The following RYR1 variants were observed in gnomAD, a reference collection of about 807,000 sequenced individuals.
RYR1 encodes central core disease of muscle.
RYR1 carries 342 observed loss-of-function variants against 583.5 expected under a neutral mutation model. The observed-to-expected ratio is 0.59, with a 90% confidence interval of 0.54 to 0.64. The LOEUF (loss-of-function observed/expected upper bound fraction) is 0.64, where lower values mean the gene tolerates loss of function less well. Ranked by LOEUF, RYR1 falls within the 30% of genes least tolerant of loss-of-function variation. The pLI, the probability that RYR1 is intolerant of heterozygous loss-of-function variation, is 0.00. For missense variants in RYR1, 6,032 were observed against 6,917.2 expected (o/e 0.87, Z 4.54); for synonymous variants, 2,791 against 2,822.5 (o/e 0.99, Z 0.35).
Position 38,517,534 on chromosome 19 carries a change from C to T in RYR1, c.9861C>T (p.Arg3287=), listed in dbSNP as rs375156852. Residue 3287 remains arginine, a synonymous_variant, in exon 66 of 106, where the codon CGC becomes CGT. Transcript: ENST00000359596. ...LCSYLPRWWE[R]GPEAPPSALP... ...GCTACCTGCCCCGATGGTGGGAGCG[C>T]GGGCCCGAGGCACCCCCTTCCGCCC... 1.9e-5 allele frequency: 31 copies of T among 1,613,758 alleles called. No homozygotes were observed. In the East Asian group the frequency reaches 2.7e-4, roughly 14 times the overall value.
Position 38,467,830 on chromosome 19 carries a change from C to T in RYR1, c.3381+18C>T. 6.8e-6 allele frequency: 11 copies of T among 1,611,618 alleles called. No homozygotes were observed. The highest frequency in any genetic ancestry group is 9.3e-6 in the Non-Finnish European group (11 of 1,178,694). On this transcript the variant is annotated intron_variant, in intron 25 of 105. Transcript: ENST00000359596. Reference sequence around the variant, plus strand: ...GGCACCGCGTGGGTACCTCCCTGGGCACCATTCTGCCAGGTCCTGTGGTCT... The same window carrying T: ...GGCACCGCGTGGGTACCTCCCTGGGTACCATTCTGCCAGGTCCTGTGGTCT...
chr19:38,555,481 G>A lies in RYR1; in HGVS notation c.12283-5632G>A, dbSNP rs868168122. 6.1e-4 allele frequency among the ~76,000 whole-genome samples: 92 copies of A among 149,890 alleles called. 1 individual carries two copies. Among genetic ancestry groups the A allele is most frequent in the Middle Eastern group, 3.5e-3 (1 of 286 alleles). ...AAAAAAAAAATGCATGTGTGTGTGC[G>A]CACGTGTGTGTGTATGTGTGTGTGG... is the stretch of plus-strand genomic sequence containing the variant. On this transcript the variant is annotated intron_variant, in intron 89 of 105. Coordinates refer to ENST00000359596, the MANE Select transcript of RYR1 (RefSeq NM_000540.3).
rs543670849 is a variant in RYR1 at position 38,469,030 on chromosome 19, G to A, written c.3446G>A (p.Gly1149Asp). ...CCCTGGCAGCCGGGCGATGTCGTTG[G>A]CTGTATGATCGACCTCACAGAGAAC... ...GRPWQPGDVV[G>D]CMIDLTENTI... The change falls in exon 26 of 106, where the codon GGC becomes GAC. Residue 1149 changes from glycine to aspartate, a missense_variant. Physicochemically the swap from Gly to Asp is moderately conservative, Grantham distance 94. This residue lies in a region of RYR1 where 2,627 missense variants were observed against 2,961.3 expected (regional missense o/e 0.89). Transcript: ENST00000359596. 6.2e-7 allele frequency: 1 copy of A among 1,614,158 alleles called. No individual in the cohort carries two copies. Among genetic ancestry groups the A allele is most frequent in the Admixed American group, 1.7e-5 (1 of 60,004 alleles).
chr19:38,509,114 C>T (rs1665366240), intron 58 of RYR1, among the ~76,000 whole-genome samples: 1 of 151,948 alleles, frequency 6.6e-6, no homozygotes, highest in African/African-American at 2.4e-5. Flanking sequence ...AGGTGAGTGG[C>T]AGAGCAGGAT....
At chr19:38,527,566 T>C (rs1246934095) in intron 72 of RYR1, 81 bp from the exon 73 acceptor site, 9 of 1,580,488 alleles carry the variant, frequency 5.7e-6, no homozygotes, top group Non-Finnish European at 4.3e-6. Flanking sequence ...CATTGAGTCC[T>C]CCCAAAAACG....
chr19:38,521,591 G>A (rs1049930864), intron 67 of RYR1, among the ~76,000 whole-genome samples: 4 of 143,470 alleles, frequency 2.8e-5, no homozygotes, highest in Admixed American at 7.3e-5. Flanking sequence ...TCCTGAGTGG[G>A]AGGCTGAGGC....
chr19:38,475,852 C>A (rs908041018), intron 29 of RYR1, among the ~76,000 whole-genome samples: 1 of 152,096 alleles, frequency 6.6e-6, no homozygotes, highest in African/African-American at 2.4e-5. Flanking sequence ...TTGGGATTTC[C>A]CCAAATCCAA....
At chr19:38,558,731 A>G (rs1237756724) in intron 89 of RYR1, among the ~76,000 whole-genome samples, 3 of 152,204 alleles carry the variant, frequency 2.0e-5, no homozygotes, top group Admixed American at 1.3e-4. Context: ...GTGAGCCAAG[A>G]TCACGCCACT....
Position 38,526,007 on chromosome 19 carries a change from C to G in RYR1, c.10626+505C>G, listed in dbSNP as rs112856366. 4.4e-3 allele frequency among the ~76,000 whole-genome samples: 676 copies of G among 152,070 alleles called. 5 individuals are homozygous for G. Among genetic ancestry groups the G allele is most frequent in the African/African-American group, 0.015 (638 of 41,438 alleles). ...GCTCACCATCCCTTTCCTTCAGGAC[C>G]CTGCTGACACCTGGGCCCTGTTGAA... is the stretch of plus-strand genomic sequence containing the variant. On this transcript the variant is annotated intron_variant, in intron 71 of 105. Coordinates refer to ENST00000359596, the MANE Select transcript of RYR1 (RefSeq NM_000540.3).
chr19:38,500,631 C>A lies in RYR1; in HGVS notation c.7349C>A (p.Ala2450Asp). The A allele has an allele frequency of 6.2e-7, 1 of 1,613,382 alleles. No homozygotes were observed. The highest frequency in any genetic ancestry group is 1.3e-5 in the African/African-American group (1 of 75,016). ...CTAATCCAAGCCGGCAAGGGTGAGG[C>A]CCTGCGGATCCGCGCCATCCTCCGC... ...MHLIQAGKGE[A>D]LRIRAILRSL... The change falls in exon 46 of 106, where the codon GCC becomes GAC. Residue 2450 changes from alanine to aspartate, a missense_variant. Ala to Asp is a moderately radical substitution (Grantham distance 126). Around this residue, in one of 11 missense-constraint regions of RYR1, gnomAD observed 2,627 missense variants for 2,961.3 expected, o/e 0.89. Transcript: ENST00000359596. This position sits in a 1 kb window ranked among gnomAD's most constrained non-coding sequence, Gnocchi z 5.9.
intron 53 of RYR1, among the ~76,000 whole-genome samples, 183 bp from the exon 54 acceptor site, chr19:38,505,623 G>C (rs1399304857): frequency 6.6e-6 from 1 of 152,186 alleles, no homozygotes; most frequent in East Asian, 1.9e-4. Context: ...GGAGACTCAA[G>C]TGTCTAATGG....
chr19:38,570,581 T>C (rs1451342234), intron 93 of RYR1, 26 bp from the exon 94 acceptor site: 1 of 1,576,990 alleles, frequency 6.3e-7, no homozygotes, highest in Admixed American at 1.7e-5. Flanking sequence ...TGTGAGCGCT[T>C]TCTCTCTTTT....
intron 47 of RYR1, among the ~76,000 whole-genome samples, 180 bp from the exon 48 acceptor site, chr19:38,502,327 T>G (rs1319422228): frequency 2.3e-5 from 3 of 128,696 alleles, no homozygotes; most frequent in Admixed American, 7.9e-5. Flanking sequence ...AGTGGTGGGG[T>G]GGGGGCTGTG....
intron 29 of RYR1, 28 bp from the exon 30 acceptor site, chr19:38,477,682 C>T (rs1196549217): frequency 4.3e-6 from 7 of 1,614,026 alleles, no homozygotes; most frequent in Non-Finnish European, 5.9e-6. Context: ...TCCAGACTGA[C>T]CACTAGTTCC....
intron 81 of RYR1, 184 bp downstream of exon 81, chr19:38,535,576 C>T (rs1166646879): frequency 1.5e-6 from 1 of 664,610 alleles, no homozygotes; most frequent in African/African-American, 1.8e-5. Context: ...GGCAAAATGT[C>T]ATAGACTTGA....
intron 96 of RYR1, among the ~76,000 whole-genome samples, chr19:38,575,218 C>T (rs1050723296): frequency 1.3e-5 from 2 of 152,160 alleles, no homozygotes; most frequent in Non-Finnish European, 2.9e-5. Flanking sequence ...TTGGACTCCT[C>T]CCCACCCATC....
chr19:38,490,324 C>T (rs761965059), intron 36 of RYR1, 48 bp downstream of exon 36: 14 of 1,547,026 alleles, frequency 9.0e-6, no homozygotes, highest in Non-Finnish European at 1.1e-5. Flanking sequence ...AAACCCCAAC[C>T]TCAACATCTC....
At chr19:38,515,454 A>G (rs1469303198) in intron 64 of RYR1, among the ~76,000 whole-genome samples, 1 of 152,224 alleles carries the variant, frequency 6.6e-6, no homozygotes, top group African/African-American at 2.4e-5. Flanking sequence ...TTACTGATAC[A>G]GCAAGAGCGA....
Position 38,528,084 on chromosome 19 carries a change from C to G in RYR1, c.10825-222C>G, listed in dbSNP as rs953121112. The G allele has an allele frequency of 4.7e-6, 3 of 634,068 alleles. No homozygotes were observed. In the African/African-American group the frequency reaches 5.5e-5, roughly 12 times the overall value. 39.3% of individuals were successfully genotyped at this position (634,068 alleles called of 1,614,324 possible). A position where few individuals can be genotyped will look rare whatever the true frequency, so the allele number is the denominator to read the frequency against. On this transcript the variant is annotated intron_variant, in intron 73 of 105. Coordinates refer to ENST00000359596, the MANE Select transcript of RYR1 (RefSeq NM_000540.3). ...GGTGGGTCGTAGAATTGGTCGTGGC[C>G]TGGCTCGTGGTCCTGGCTCTGTGGG...
Sources: allele counts gnomAD v4.1 joint callset (sites outside exome capture counted in the v4.1 genomes callset), GRCh38; gene constraint gnomAD v4.1.1; regional missense constraint gnomAD v4.1.1; non-coding constraint Gnocchi (gnomAD v3.1); transcripts MANE v1.5; gene names NCBI Gene and HGNC (gene_info 2026-07-23, HGNC 2026-07-21).